PLXDC2: variants seen among roughly 807,000 people sequenced by gnomAD.
The protein encoded by PLXDC2 is plexin domain-containing protein 2.
A neutral mutation model predicts 68.9 loss-of-function variants in PLXDC2; 40 were observed. The observed-to-expected ratio is 0.58, with a 90% confidence interval of 0.45 to 0.76. The LOEUF (loss-of-function observed/expected upper bound fraction) is 0.76. PLXDC2 is among the 30% of genes least tolerant of loss of function. The pLI, the probability that PLXDC2 is intolerant of heterozygous loss-of-function variation, is 0.00. For missense variants in PLXDC2, 644 were observed against 661.9 expected, an observed-to-expected ratio of 0.97 and a Z score of 0.30; for synonymous variants, 243 against 234.2, an observed-to-expected ratio of 1.04 and a Z score of -0.34.
chr10:20,002,259 G>C (rs1025568588), intron 2 of PLXDC2, among the ~76,000 whole-genome samples: 2 of 138,704 alleles, frequency 1.4e-5, no homozygotes, highest in East Asian at 4.0e-4. Flanking sequence ...TTGTGTAAGA[G>C]CTTTTTTTTT....
At chr10:19,893,144 C>G (rs1837996628) in intron 1 of PLXDC2, among the ~76,000 whole-genome samples, 1 of 152,058 alleles carries the variant, frequency 6.6e-6, no homozygotes, top group South Asian at 2.1e-4. Context: ...TGGGGGACGC[C>G]TAGGTGTGGG....
At chr10:20,203,103 C>A (rs1383857894) in intron 9 of PLXDC2, among the ~76,000 whole-genome samples, 1 of 152,054 alleles carries the variant, frequency 6.6e-6, no homozygotes, top group Non-Finnish European at 1.5e-5. Flanking sequence ...GTCCTACAGA[C>A]TCCCAAACTG....
intron 1 of PLXDC2, among the ~76,000 whole-genome samples, chr10:19,860,122 A>T (rs1837291464): frequency 6.6e-6 from 1 of 152,246 alleles, no homozygotes; most frequent in South Asian, 2.1e-4. Flanking sequence ...GTATAATCAC[A>T]CTACTAACAG....
intron 9 of PLXDC2, among the ~76,000 whole-genome samples, chr10:20,179,700 C>T (rs899480424): frequency 2.0e-5 from 3 of 152,002 alleles, no homozygotes; most frequent in Non-Finnish European, 2.9e-5. Context: ...TTTTGACATT[C>T]GAAACATATC....
chr10:19,844,300 G>C (rs1201740122), intron 1 of PLXDC2, among the ~76,000 whole-genome samples: 1 of 152,160 alleles, frequency 6.6e-6, no homozygotes, highest in East Asian at 1.9e-4. Flanking sequence ...TTGAACGAAT[G>C]GTTCCTATCC....
chr10:20,255,185 G>C (rs1588546129), intron 13 of PLXDC2, among the ~76,000 whole-genome samples: 1 of 146,858 alleles, frequency 6.8e-6, no homozygotes, highest in Non-Finnish European at 1.5e-5. Flanking sequence ...GGGTGGATAG[G>C]TGGATGGATA....
intron 1 of PLXDC2, among the ~76,000 whole-genome samples, chr10:19,879,345 G>A (rs1837688025): frequency 6.6e-6 from 1 of 152,214 alleles, no homozygotes; most frequent in East Asian, 1.9e-4. Flanking sequence ...ACTCAGCCAA[G>A]GTTTGCTGAT....
chr10:20,215,324 T>C (rs934197887), intron 10 of PLXDC2, among the ~76,000 whole-genome samples: 1 of 151,870 alleles, frequency 6.6e-6, no homozygotes, highest in Non-Finnish European at 1.5e-5. Flanking sequence ...TTCAACTCAG[T>C]TGGATTAGGT....
At chr10:20,135,785 C>A (rs1833925761) in intron 4 of PLXDC2, among the ~76,000 whole-genome samples, 1 of 151,944 alleles carries the variant, frequency 6.6e-6, no homozygotes, top group Non-Finnish European at 1.5e-5. Flanking sequence ...GTTTATAATC[C>A]CCAGTGGTGC....
rs556828889 is a variant in PLXDC2 at position 19,887,542 on chromosome 10, C to T, written c.112+70351C>T. Among the ~76,000 whole-genome samples, 4 of 151,630 alleles carry T rather than the reference C, an allele frequency of 2.6e-5. No homozygotes were observed. In the East Asian group the frequency reaches 7.7e-4, roughly 29 times the overall value. On this transcript the variant is annotated intron_variant, in intron 1 of 13. Transcript: ENST00000377252. ...ATCTCAAAAACAAAAACAAAACAAA[C>T]AAAAAACAAAAAAAACCCCGAAGAC...
chr10:19,909,770 T>C (rs1833231608), intron 1 of PLXDC2, among the ~76,000 whole-genome samples: 1 of 152,176 alleles, frequency 6.6e-6, no homozygotes, highest in Non-Finnish European at 1.5e-5. Flanking sequence ...ACACAAATGA[T>C]GATGATGATC....
At chr10:19,853,658 G>T (rs1054052117) in intron 1 of PLXDC2, among the ~76,000 whole-genome samples, 1 of 147,900 alleles carries the variant, frequency 6.8e-6, no homozygotes, top group Non-Finnish European at 1.5e-5. Flanking sequence ...TGGGTGGGGG[G>T]GGGGTTGCAA....
intron 1 of PLXDC2, among the ~76,000 whole-genome samples, chr10:19,885,470 G>C (rs893645500): frequency 6.6e-6 from 1 of 152,086 alleles, no homozygotes; most frequent in African/African-American, 2.4e-5. Flanking sequence ...TTTCTTCTAG[G>C]GTTTTTATGG....
chr10:19,870,884 A>G (rs1426590427), intron 1 of PLXDC2, among the ~76,000 whole-genome samples: 1 of 152,222 alleles, frequency 6.6e-6, no homozygotes, highest in Non-Finnish European at 1.5e-5. Flanking sequence ...GCTTACATGC[A>G]TGATCTCATG....
chr10:20,174,502 T>C (rs1436292434), intron 7 of PLXDC2, among the ~76,000 whole-genome samples: 1 of 152,118 alleles, frequency 6.6e-6, no homozygotes, highest in African/African-American at 2.4e-5. Context: ...ATTTTCAGCC[T>C]GTGACCCAGA....
At chr10:20,039,254 C>T (rs1037086398) in intron 2 of PLXDC2, among the ~76,000 whole-genome samples, 1 of 152,146 alleles carries the variant, frequency 6.6e-6, no homozygotes, top group Non-Finnish European at 1.5e-5. Context: ...GGTGATGTTT[C>T]TATAAAACAC....
intron 1 of PLXDC2, among the ~76,000 whole-genome samples, chr10:19,995,052 T>A (rs2131632294): frequency 6.6e-6 from 1 of 152,220 alleles, no homozygotes; most frequent in South Asian, 2.1e-4. Context: ...CTCTTTGAAT[T>A]TTTATTAAAA....
chr10:20,059,608 G>A (rs1836063079), intron 3 of PLXDC2, among the ~76,000 whole-genome samples: 1 of 152,170 alleles, frequency 6.6e-6, no homozygotes, highest in Admixed American at 6.5e-5. Flanking sequence ...TCAGTTGATG[G>A]ACTTTATTCT....
intron 13 of PLXDC2, among the ~76,000 whole-genome samples, chr10:20,277,066 G>A (rs564163648): frequency 9.9e-5 from 15 of 152,010 alleles, no homozygotes; most frequent in Admixed American, 2.0e-4. Flanking sequence ...AAAACTAGCC[G>A]TGTGCTGTGG....
Sources: allele counts gnomAD v4.1 joint callset (sites outside exome capture counted in the v4.1 genomes callset), GRCh38; gene constraint gnomAD v4.1.1; transcripts MANE v1.5; gene names NCBI Gene and HGNC (gene_info 2026-07-23, HGNC 2026-07-21).